Variants in TUBGCP5 observed in about 807,000 individuals in gnomAD.
The protein encoded by TUBGCP5 is tubulin gamma complex component 5, also known as gamma-tubulin complex component 5.
Under a neutral mutation model 134.7 loss-of-function variants are expected in TUBGCP5, and 98 were observed. That is an observed-to-expected ratio of 0.73 (90% confidence interval 0.62 to 0.86). The LOEUF is 0.86. Among genes scored for constraint, TUBGCP5 ranks in the 40% least tolerant of loss-of-function variants. The probability of loss-of-function intolerance (pLI) is 0.00; values close to 1 mark genes in which losing one functional copy is unlikely to be tolerated. For synonymous variants in TUBGCP5, 456 were observed against 431.4 expected (o/e 1.06, Z -0.71); for missense variants, 1,150 against 1,244.8 (o/e 0.92, Z 1.15).
Position 23,022,060 on chromosome 15 carries a change from G to A in TUBGCP5, c.1270C>T (p.Pro424Ser). 1 of 1,614,132 alleles carries A rather than the reference G, an allele frequency of 6.2e-7. No homozygotes were observed. Among genetic ancestry groups the A allele is most frequent in the South Asian group, 1.1e-5 (1 of 91,086 alleles). The part of the protein sequence containing the change: ...KVFSTGVAEV[P>S]PDTRNVVRAS... Reference sequence around the variant, plus strand: ...CGGACGACATTTCGAGTATCAGGTGGAACTTCTGCTACTCCAGTACTAAAC... The same window carrying A: ...CGGACGACATTTCGAGTATCAGGTGAAACTTCTGCTACTCCAGTACTAAAC... The change falls in exon 11 of 23, where the codon CCA becomes TCA. Residue 424 changes from proline (P) to serine (S), a missense_variant. Coordinates refer to ENST00000615383, the MANE Select transcript of TUBGCP5 (RefSeq NM_052903.6).
At chr15:23,028,487 A>G (rs922327489) in intron 6 of TUBGCP5, among the ~76,000 whole-genome samples, 2 of 152,174 alleles carry the variant, frequency 1.3e-5, no homozygotes, top group Non-Finnish European at 2.9e-5. Context: ...AGGATAATTC[A>G]ACATCAGAAA....
At chr15:23,009,173 A>G (rs1418595702) in intron 15 of TUBGCP5, among the ~76,000 whole-genome samples, 2 of 152,122 alleles carry the variant, frequency 1.3e-5, no homozygotes, top group Non-Finnish European at 1.5e-5. Context: ...TTCCATCATT[A>G]ATATTTAATA....
chr15:22,987,740 C>CA (rs1243292892), intron 23 of TUBGCP5, among the ~76,000 whole-genome samples: 1 of 151,304 alleles, frequency 6.6e-6, no homozygotes. Context: ...ACTAAAAATA[C>CA]AAAAAATTAG....
intron 13 of TUBGCP5, among the ~76,000 whole-genome samples, chr15:23,016,969 G>GATATATATATATATGT (rs1567132229): frequency 9.1e-6 from 1 of 109,394 alleles, no homozygotes; most frequent in Admixed American, 8.6e-5. Flanking sequence ...AAAATTGTGA[G>GATATATATATATATGT]ATATATATAT....
At chr15:23,016,969 G>GATATGTGTATATATAT (rs1555439436) in intron 13 of TUBGCP5, among the ~76,000 whole-genome samples, 7 of 109,392 alleles carry the variant, frequency 6.4e-5, no homozygotes, top group African/African-American at 2.5e-4. Context: ...AAAATTGTGA[G>GATATGTGTATATATAT]ATATATATAT....
intron 1 of TUBGCP5, among the ~76,000 whole-genome samples, chr15:23,037,915 C>A (rs1160201784): frequency 6.6e-6 from 1 of 152,152 alleles, no homozygotes; most frequent in Non-Finnish European, 1.5e-5. Flanking sequence ...CAGGCGCCTG[C>A]CACCACGCCC....
intron 22 of TUBGCP5, 195 bp downstream of exon 22, chr15:23,000,374 A>C: frequency 7.6e-7 from 1 of 1,308,000 alleles, no homozygotes; most frequent in Non-Finnish European, 9.7e-7. Context: ...AGAAAGTAAG[A>C]TCCTCAGGCT....
At chr15:23,000,151 A>G (rs2064287560) in intron 22 of TUBGCP5, 2 of 696,270 alleles carry the variant, frequency 2.9e-6, no homozygotes, top group East Asian at 3.9e-5. Context: ...ACCTTAAGTG[A>G]TTCACTCAAC....
chr15:23,000,983 C>T (rs1359510591), intron 21 of TUBGCP5, among the ~76,000 whole-genome samples: 1 of 152,130 alleles, frequency 6.6e-6, no homozygotes, highest in Non-Finnish European at 1.5e-5. Flanking sequence ...AGCATACATT[C>T]TCTTTGAAAT....
At chr15:23,005,725 T>G in intron 18 of TUBGCP5, 115 bp from the exon 19 acceptor site, 1 of 1,104,562 alleles carries the variant, frequency 9.1e-7, no homozygotes, top group Non-Finnish European at 1.3e-6. Context: ...CAGAAAGCAC[T>G]GGCAGGGGTG....
chr15:23,003,254 C>T (rs2064495219), intron 20 of TUBGCP5, 101 bp from the exon 21 acceptor site: 7 of 1,139,098 alleles, frequency 6.1e-6, no homozygotes, highest in Non-Finnish European at 9.0e-6. Context: ...AAGTTCATCA[C>T]CACAGTGACT....
intron 4 of TUBGCP5, 101 bp from the exon 5 acceptor site, chr15:23,032,130 G>T: frequency 2.8e-6 from 2 of 711,384 alleles, no homozygotes; most frequent in Non-Finnish European, 2.2e-6. Context: ...AAAATACTCA[G>T]GAAATAAAAA....
At chr15:23,005,710 C>G in intron 18 of TUBGCP5, 100 bp from the exon 19 acceptor site, 1 of 1,300,540 alleles carries the variant, frequency 7.7e-7, no homozygotes, top group Admixed American at 2.2e-5. Context: ...GTGGTCCTGG[C>G]ACCACAGAAA....
At chr15:22,990,348 C>A (rs555634046) in intron 23 of TUBGCP5, among the ~76,000 whole-genome samples, 1 of 152,260 alleles carries the variant, frequency 6.6e-6, no homozygotes, top group South Asian at 2.1e-4. Flanking sequence ...GAGGCACCTA[C>A]GGCTTTGTCT....
intron 16 of TUBGCP5, among the ~76,000 whole-genome samples, chr15:23,008,240 G>A (rs1238606291): frequency 1.3e-5 from 2 of 151,974 alleles, no homozygotes; most frequent in East Asian, 1.9e-4. Flanking sequence ...TGTTTAGCAG[G>A]AGAGTCACAT....
At chr15:22,988,633 G>A (rs951673728) in intron 23 of TUBGCP5, among the ~76,000 whole-genome samples, 4 of 151,436 alleles carry the variant, frequency 2.6e-5, no homozygotes, top group African/African-American at 7.3e-5. Flanking sequence ...CTACTCGGGA[G>A]GCTGAGGCAG....
At position 23,032,788 on chromosome 15, in the gene TUBGCP5, ACAG is replaced by A. The variant is rs754675606; in HGVS notation, c.343_345del (p.Leu115del). ...CTGTTTGAAGGAGAGTCTGACAGAC[ACAG>A]AAGAAGTGACAGTATGGAATAATGT... On this transcript the variant is annotated inframe_deletion, in exon 4 of 23. Coordinates refer to ENST00000615383, the MANE Select transcript of TUBGCP5 (RefSeq NM_052903.6). 2 of 1,596,636 alleles carry A rather than the reference ACAG, an allele frequency of 1.3e-6. No individual in the cohort carries two copies. Among genetic ancestry groups the A allele is most frequent in the East Asian group, 2.3e-5 (1 of 43,928 alleles).
chr15:23,001,046 G>GT (rs1183325063), intron 21 of TUBGCP5, among the ~76,000 whole-genome samples: 1 of 151,784 alleles, frequency 6.6e-6, no homozygotes, highest in Non-Finnish European at 1.5e-5. Context: ...TTTTAAAAAG[G>GT]TTTTTTTTCT....
At position 22,988,557 on chromosome 15, in the gene TUBGCP5, C is replaced by T. The variant is rs567339207; in HGVS notation, c.*62-4946G>A. Among the ~76,000 whole-genome samples, 6 of 151,350 alleles carry T rather than the reference C, an allele frequency of 4.0e-5. No individual in the cohort carries two copies. The East Asian group carries it at 1.0e-3, about 25-fold the overall frequency. Reference sequence around the variant, plus strand: ...GACCATCCTGGCTAACACAGTGAAACCCCGTCTCTACTAGAAAATACAAAA... The same window carrying T: ...GACCATCCTGGCTAACACAGTGAAATCCCGTCTCTACTAGAAAATACAAAA... On this transcript the variant is annotated intron_variant and NMD_transcript_variant, in intron 23 of 23. Transcript: ENST00000614508.
Sources: gnomAD v4.1 joint callset for allele counts (sites outside exome capture counted in the v4.1 genomes callset) on GRCh38, gnomAD v4.1.1 for gene constraint, MANE v1.5 for transcripts, NCBI Gene and HGNC (gene_info 2026-07-23, HGNC 2026-07-21) for gene names.